Variants in CHAMP1 observed in about 807,000 individuals in gnomAD.
CHAMP1 encodes the protein chromosome alignment maintaining phosphoprotein 1, also known as chromosome alignment-maintaining phosphoprotein 1.
A neutral mutation model predicts 54.5 loss-of-function variants in CHAMP1; 4 were observed. That is an observed-to-expected ratio of 0.07 (90% CI 0.04 to 0.17). CHAMP1 has a LOEUF of 0.17. Among genes scored for constraint, CHAMP1 ranks in the 10% least tolerant of loss-of-function variants. CHAMP1 has a pLI of 1.00. For synonymous variants in CHAMP1, 368 were observed against 342.2 expected, an observed-to-expected ratio of 1.08 and a Z score of -0.83; for missense variants, 994 against 968.6, an observed-to-expected ratio of 1.03 and a Z score of -0.35.
At chr13:114,323,514 G>A (rs1217377523) in intron 2 of CHAMP1, 1 of 234,906 alleles carries the variant, frequency 4.3e-6, no homozygotes, top group African/African-American at 2.3e-5. Context: ...ACCAGAGAAA[G>A]TCAGGTAACT....
chr13:114,326,381 T>G lies in CHAMP1; in HGVS notation c.*100T>G, dbSNP rs1181987284. On this transcript the variant is annotated 3_prime_UTR_variant, in exon 3 of 3. Coordinates refer to ENST00000361283, the MANE Select transcript of CHAMP1 (RefSeq NM_032436.4). The stretch of plus-strand genomic sequence containing the variant: ...CATAGTTGGATCAGTAGATGACATG[T>G]ATGGTGTACCGTGTTTCACTGTCTC... 7.5e-7 allele frequency: 1 copy of G among 1,331,838 alleles called. No homozygotes were observed. Among genetic ancestry groups the G allele is most frequent in the African/African-American group, 1.5e-5 (1 of 67,130 alleles). 82.5% of individuals were successfully genotyped at this position (1,331,838 alleles called of 1,614,324 possible).
In CHAMP1 at chr13:114,325,166, C is replaced by A. The variant is rs573576960; in HGVS notation, c.1324C>A (p.Pro442Thr). 1 of 1,614,188 alleles carries A rather than the reference C, an allele frequency of 6.2e-7. No homozygotes were observed. Among genetic ancestry groups the A allele is most frequent in the East Asian group, 2.2e-5 (1 of 44,886 alleles). Residue 442 changes from proline (P) to threonine (T), a missense_variant, in exon 3 of 3, where the codon CCC (proline) becomes ACC (threonine). Coordinates refer to ENST00000361283, the MANE Select transcript of CHAMP1 (RefSeq NM_032436.4). ...SPAGSPELRK[P>T]SGSPDLWKLS... ...AGCAGGATCTCCAGAGCTCAGAAAA[C>A]CCTCAGGGTCACCAGATCTTTGGAA... is the stretch of plus-strand genomic sequence containing the variant.
chr13:114,323,987 C>T lies in CHAMP1; in HGVS notation c.145C>T (p.Leu49=), dbSNP rs1594128540. The T allele has an allele frequency of 5.0e-6, 8 of 1,614,152 alleles. No homozygotes were observed. The change falls in exon 3 of 3, where the codon CTA becomes TTA. Residue 49 remains leucine, a synonymous_variant. Coordinates refer to ENST00000361283, the MANE Select transcript of CHAMP1 (RefSeq NM_032436.4). ...TTGTGATGAAATGGATGCTGGTGGG[C>T]TAGGCAAAATGATATTTTACCAGAA... The part of the protein sequence containing the change: ...EFCDEMDAGG[L]GKMIFYQKSA...
Position 114,318,051 on chromosome 13 carries a change from A to G in CHAMP1, c.-178-3059A>G, listed in dbSNP as rs559236636. ...AAGCTGGAAGGACGCCCAGCTCTCTAGGCTTTGCCTAAAAGTTGAATTCTG... is the reference window on the plus strand; with the variant it reads ...AAGCTGGAAGGACGCCCAGCTCTCTGGGCTTTGCCTAAAAGTTGAATTCTG... On this transcript the variant is annotated intron_variant, in intron 1 of 2. Transcript: ENST00000361283. Among the ~76,000 whole-genome samples, 5 of 152,362 alleles carry G rather than the reference A, an allele frequency of 3.3e-5. No individual in the cohort carries two copies. In the South Asian group the frequency reaches 1.0e-3, roughly 32 times the overall value.
chr13:114,324,187 G>C lies in CHAMP1; in HGVS notation c.345G>C (p.Gln115His). The change falls in exon 3 of 3, where the codon CAG becomes CAC. Residue 115 changes from glutamine to histidine, a missense_variant. This residue lies in a region of CHAMP1 where 851 missense variants were observed against 701.3 expected (regional missense o/e 1.21). Coordinates refer to ENST00000361283, the MANE Select transcript of CHAMP1 (RefSeq NM_032436.4). ...AAAGCCCTCCTCTTCCTGAACACCA[G>C]AAAATACCCTGCAATTCAGCAGAAC... ...PVKSPPLPEH[Q>H]KIPCNSAEPK... 1 of 1,614,100 alleles carries C rather than the reference G, an allele frequency of 6.2e-7. No homozygotes were observed. Among genetic ancestry groups the C allele is most frequent in the African/African-American group, 1.3e-5 (1 of 75,012 alleles).
Position 114,325,439 on chromosome 13 carries a change from G to A in CHAMP1, c.1597G>A (p.Glu533Lys), listed in dbSNP as rs149943379. 8.1e-6 allele frequency: 13 copies of A among 1,613,828 alleles called. No homozygotes were observed. Among genetic ancestry groups the A allele is most frequent in the East Asian group, 4.5e-5 (2 of 44,896 alleles). The change falls in exon 3 of 3, where the codon GAG becomes AAG. Residue 533 changes from glutamate to lysine, a missense_variant. Glu to Lys is a moderately conservative substitution (Grantham distance 56, BLOSUM62 1). Around this residue, in one of 3 missense-constraint regions of CHAMP1, gnomAD observed 851 missense variants for 701.3 expected, o/e 1.21. Coordinates refer to ENST00000361283, the MANE Select transcript of CHAMP1 (RefSeq NM_032436.4). The stretch of plus-strand genomic sequence containing the variant: ...GCCTAGAAAACCTGCCCTGTTTCCC[G>A]AGCCTGCCAAAACAGCCCCTCCTGC... ...TEPRKPALFPEPAKTAPPASP... is the reference protein window; with the variant it reads ...TEPRKPALFPKPAKTAPPASP...
chr13:114,324,103 C>A lies in CHAMP1; in HGVS notation c.261C>A (p.Ser87=). ...VYYHITSKHA[S]PDKWNDKPKN... ...ATCACATCACATCCAAACATGCATC[C>A]CCAGACAAATGGAATGATAAACCAA... Residue 87 remains serine, a synonymous_variant, in exon 3 of 3, where the codon TCC becomes TCA. Transcript: ENST00000361283. 1 of 1,614,144 alleles carries A rather than the reference C, an allele frequency of 6.2e-7. No individual in the cohort carries two copies. Among genetic ancestry groups the A allele is most frequent in the Non-Finnish European group, 8.5e-7 (1 of 1,180,036 alleles).
Position 114,324,318 on chromosome 13 carries a change from C to A in CHAMP1, c.476C>A (p.Pro159His). ...TPLTPLEPQKPGSVVSPELQT... is the reference protein window; with the variant it reads ...TPLTPLEPQKHGSVVSPELQT... ...CTTACTCCCCTGGAGCCTCAGAAAC[C>A]TGGCTCTGTTGTTTCTCCTGAGCTA... is the stretch of plus-strand genomic sequence containing the variant. Residue 159 changes from proline to histidine, a missense_variant, in exon 3 of 3, where the codon CCT (proline) becomes CAT (histidine). Coordinates refer to ENST00000361283, the MANE Select transcript of CHAMP1 (RefSeq NM_032436.4). 6.2e-7 allele frequency: 1 copy of A among 1,614,126 alleles called. No individual in the cohort carries two copies. The highest frequency in any genetic ancestry group is 8.5e-7 in the Non-Finnish European group (1 of 1,180,030).
intron 1 of CHAMP1, among the ~76,000 whole-genome samples, chr13:114,318,106 C>T (rs1304920484): frequency 2.6e-5 from 4 of 152,222 alleles, no homozygotes; most frequent in South Asian, 2.1e-4. Flanking sequence ...CTTCGTGGAT[C>T]GTTCTGCTAC....
rs2087243720 is a variant in CHAMP1, at chr13:114,325,851, A to T, written c.2009A>T (p.Lys670Ile). The T allele has an allele frequency of 6.2e-7, 1 of 1,614,212 alleles. No individual in the cohort carries two copies. Residue 670 changes from lysine to isoleucine, a missense_variant, in exon 3 of 3, where the codon AAA becomes ATA. Coordinates refer to ENST00000361283, the MANE Select transcript of CHAMP1 (RefSeq NM_032436.4). ...TCCATTGATTTTAGCAAAGAGAACAAAATGGACATGACTAGTCCAGAGCAG... is the reference window on the plus strand; with the variant it reads ...TCCATTGATTTTAGCAAAGAGAACATAATGGACATGACTAGTCCAGAGCAG... Reference protein sequence around the residue: ...VESIDFSKENKMDMTSPEQSR... With the variant: ...VESIDFSKENIMDMTSPEQSR...
Position 114,325,214 on chromosome 13 carries a change from A to G in CHAMP1, c.1372A>G (p.Thr458Ala), listed in dbSNP as rs1566792195. The part of the protein sequence containing the change: ...LWKLSPDQRK[T>A]SPASLDFPES... The stretch of plus-strand genomic sequence containing the variant: ...GAAGCTTTCTCCTGATCAGCGGAAA[A>G]CTTCTCCTGCTTCACTTGATTTCCC... The change falls in exon 3 of 3, where the codon ACT (threonine) becomes GCT (alanine). Residue 458 changes from threonine to alanine, a missense_variant. This residue lies in a region of CHAMP1 where 851 missense variants were observed against 701.3 expected (regional missense o/e 1.21). Coordinates refer to ENST00000361283, the MANE Select transcript of CHAMP1 (RefSeq NM_032436.4). 1.2e-6 allele frequency: 2 copies of G among 1,613,962 alleles called. No homozygotes were observed. The highest frequency in any genetic ancestry group is 2.2e-5 in the South Asian group (2 of 91,074).
chr13:114,320,733 G>C (rs1482384140), intron 1 of CHAMP1, among the ~76,000 whole-genome samples: 1 of 152,068 alleles, frequency 6.6e-6, no homozygotes, highest in African/African-American at 2.4e-5. Context: ...GAGGCGGGCG[G>C]ATCACGAGGT....
intron 1 of CHAMP1, among the ~76,000 whole-genome samples, chr13:114,319,394 C>G (rs2087141313): frequency 6.6e-6 from 1 of 152,230 alleles, no homozygotes; most frequent in African/African-American, 2.4e-5. Context: ...TACTGTGTGT[C>G]AGGGATGTGC....
At chr13:114,315,970 G>C (rs2087094275) in intron 1 of CHAMP1, among the ~76,000 whole-genome samples, 1 of 151,428 alleles carries the variant, frequency 6.6e-6, no homozygotes, top group South Asian at 2.1e-4. Flanking sequence ...CCAAGTAGCT[G>C]GCATTACAGG....
At chr13:114,316,884 A>G (rs1423694491) in intron 1 of CHAMP1, among the ~76,000 whole-genome samples, 2 of 151,986 alleles carry the variant, frequency 1.3e-5, no homozygotes, top group African/African-American at 4.8e-5. Flanking sequence ...CAGATTTCAG[A>G]TTTTCAGATT....
At chr13:114,318,857 CTTTTT>C (rs56669844) in intron 1 of CHAMP1, among the ~76,000 whole-genome samples, 1,028 of 23,874 alleles carry the variant, frequency 0.043, 4 homozygotes, top group Non-Finnish European at 0.058. Context: ...TCCTGGTTGC[CTTTTT>C]TTTTTTTTTT....
At position 114,324,810 on chromosome 13, in the gene CHAMP1, G is replaced by T; in HGVS notation, c.968G>T (p.Trp323Leu). The T allele has an allele frequency of 6.2e-7, 1 of 1,614,046 alleles. No homozygotes were observed. Among genetic ancestry groups the T allele is most frequent in the Non-Finnish European group, 8.5e-7 (1 of 1,179,948 alleles). Residue 323 changes from tryptophan to leucine, a missense_variant, in exon 3 of 3, where the codon TGG (tryptophan) becomes TTG (leucine). Around this residue, in one of 3 missense-constraint regions of CHAMP1, gnomAD observed 851 missense variants for 701.3 expected, o/e 1.21. Transcript: ENST00000361283. ...KPGPPGSPRP[W>L]KSNPSASSGP... is the part of the protein sequence containing the mutation. ...GGGCCACCTGGGTCCCCTAGGCCTT[G>T]GAAATCCAATCCTTCAGCATCATCA...
At chr13:114,322,424 TATC>T (rs1555379213) in intron 2 of CHAMP1, 1 of 152,134 alleles carries the variant, frequency 6.6e-6, no homozygotes, top group Non-Finnish European at 1.5e-5. Context: ...GAGGAGTAAA[TATC>T]ATTACCGTCA....
intron 1 of CHAMP1, among the ~76,000 whole-genome samples, chr13:114,320,489 AGTC>A (rs1266604263): frequency 6.6e-6 from 1 of 152,182 alleles, no homozygotes; most frequent in African/African-American, 2.4e-5. Flanking sequence ...TATAGTCAGT[AGTC>A]ACACCAGCAG....
Sources: allele counts gnomAD v4.1 joint callset (sites outside exome capture counted in the v4.1 genomes callset), GRCh38; gene constraint gnomAD v4.1.1; regional missense constraint gnomAD v4.1.1; transcripts MANE v1.5; gene names NCBI Gene and HGNC (gene_info 2026-07-23, HGNC 2026-07-21).